The following DCT variants were observed in gnomAD, a reference collection of about 807,000 sequenced individuals.
DCT encodes dopachrome tautomerase, also known as L-dopachrome tautomerase.
In DCT, 47 loss-of-function variants were observed where a neutral mutation model predicts 53.0. The ratio of observed to expected loss-of-function variants is 0.89; its 90% CI spans 0.70 to 1.13. The LOEUF is 1.13. Ranked by LOEUF, DCT falls within the 50% of genes most tolerant of loss-of-function variation. DCT has a pLI of 0.00. For synonymous variants in DCT, 244 were observed against 237.0 expected, an observed-to-expected ratio of 1.03 and a Z score of -0.27; for missense variants, 669 against 637.4, an observed-to-expected ratio of 1.05 and a Z score of -0.53.
chr13:94,549,185 G>A, the DCT span, among the ~76,000 whole-genome samples: 1 of 152,262 alleles, frequency 6.6e-6, no homozygotes, highest in East Asian at 1.9e-4. Flanking sequence ...ACGCCAGGTG[G>A]GGGCCATCTG....
At chr13:94,446,297 T>C (rs1365723938) in intron 6 of DCT, among the ~76,000 whole-genome samples, 4 of 152,196 alleles carry the variant, frequency 2.6e-5, no homozygotes, top group African/African-American at 9.7e-5. Flanking sequence ...ACTATGACTA[T>C]ACCATCAGTA....
At chr13:94,504,955 A>C in the DCT span, among the ~76,000 whole-genome samples, 2 of 151,622 alleles carry the variant, frequency 1.3e-5, no homozygotes, top group African/African-American at 4.9e-5. Context: ...ATCTTCCTCT[A>C]GTCTCTTTGT....
intron 6 of DCT, among the ~76,000 whole-genome samples, chr13:94,453,893 C>T (rs754945625): frequency 6.6e-6 from 1 of 152,190 alleles, no homozygotes; most frequent in Non-Finnish European, 1.5e-5. Flanking sequence ...ACATCTTTAT[C>T]AGCAGCATGA....
intron 6 of DCT, among the ~76,000 whole-genome samples, chr13:94,448,458 A>T (rs1882867383): frequency 6.6e-6 from 1 of 152,250 alleles, no homozygotes; most frequent in Non-Finnish European, 1.5e-5. Flanking sequence ...AATTGTGGGC[A>T]TTATTCCTCA....
At chr13:94,484,396 A>G (rs923837552), upstream of DCT, among the ~76,000 whole-genome samples, 1 of 152,206 alleles carries the variant, frequency 6.6e-6, no homozygotes, top group Non-Finnish European at 1.5e-5. Flanking sequence ...TGTCATTTTC[A>G]TATAGCTTTC....
chr13:94,537,622 T>C, the DCT span, among the ~76,000 whole-genome samples: 1 of 151,528 alleles, frequency 6.6e-6, no homozygotes, highest in African/African-American at 2.4e-5. Context: ...TTCTACAAAT[T>C]ATGCAAGTGA....
chr13:94,529,449 C>T, the DCT span, among the ~76,000 whole-genome samples: 1 of 152,182 alleles, frequency 6.6e-6, no homozygotes, highest in Non-Finnish European at 1.5e-5. Context: ...TCTCTCACAC[C>T]ACAGGGCAAT....
At chr13:94,449,881 C>T (rs1007310088) in intron 6 of DCT, among the ~76,000 whole-genome samples, 17 of 152,138 alleles carry the variant, frequency 1.1e-4, no homozygotes, top group Non-Finnish European at 2.2e-4. Flanking sequence ...TAACTAAGCT[C>T]TGCCACAAGG....
the DCT span, among the ~76,000 whole-genome samples, chr13:94,548,871 G>A: frequency 6.6e-6 from 1 of 152,186 alleles, no homozygotes; most frequent in African/African-American, 2.4e-5. Context: ...GTCTAGACCC[G>A]TGGCTTGTTT....
At chr13:94,507,796 C>T in the DCT span, among the ~76,000 whole-genome samples, 48 of 152,210 alleles carry the variant, frequency 3.2e-4, no homozygotes, top group African/African-American at 8.9e-4. Flanking sequence ...CACCGCGCCC[C>T]GCCGTATATT....
At chr13:94,451,455 C>T (rs1360831991) in intron 6 of DCT, among the ~76,000 whole-genome samples, 1 of 152,170 alleles carries the variant, frequency 6.6e-6, no homozygotes, top group Non-Finnish European at 1.5e-5. Flanking sequence ...AGATTGAACA[C>T]GGGGAGATTT....
intron 6 of DCT, among the ~76,000 whole-genome samples, chr13:94,452,933 T>A (rs566579320): frequency 2.6e-4 from 39 of 152,180 alleles, no homozygotes; most frequent in African/African-American, 9.1e-4. Flanking sequence ...TAGAAAAAAA[T>A]TGTATTGTTT....
chr13:94,498,609 A>G, the DCT span, among the ~76,000 whole-genome samples: 5 of 152,228 alleles, frequency 3.3e-5, no homozygotes, highest in Non-Finnish European at 7.3e-5. Flanking sequence ...TGAGAAATCA[A>G]CACTTGTTGT....
chr13:94,548,301 T>A, the DCT span, among the ~76,000 whole-genome samples: 1 of 151,574 alleles, frequency 6.6e-6, no homozygotes, highest in Non-Finnish European at 1.5e-5. Flanking sequence ...TAGTGGGAGG[T>A]TAGGAATTAA....
chr13:94,546,797 A>G, the DCT span, among the ~76,000 whole-genome samples: 1 of 152,164 alleles, frequency 6.6e-6, no homozygotes, highest in African/African-American at 2.4e-5. The surrounding 1 kb of genome is among the most constrained non-coding windows in gnomAD (Gnocchi z 4.2). Flanking sequence ...AAGCTGAAGC[A>G]TGCGCACTAA....
intron 6 of DCT, among the ~76,000 whole-genome samples, chr13:94,457,659 G>C (rs1261902175): frequency 6.6e-6 from 1 of 152,048 alleles, no homozygotes; most frequent in Non-Finnish European, 1.5e-5. Flanking sequence ...CAAAATACTG[G>C]CAAAATAAAA....
At chr13:94,488,873 T>A in the DCT span, among the ~76,000 whole-genome samples, 2 of 118,172 alleles carry the variant, frequency 1.7e-5, no homozygotes, top group African/African-American at 6.1e-5. Context: ...TACACACACA[T>A]ACACACACAA....
the DCT span, among the ~76,000 whole-genome samples, chr13:94,525,559 T>C: frequency 1.8e-3 from 276 of 152,330 alleles, 1 homozygote; most frequent in African/African-American, 5.5e-3. Context: ...GCCTCCTTCA[T>C]TGCGGCCTAA....
At chr13:94,529,572 A>T in the DCT span, among the ~76,000 whole-genome samples, 3 of 152,238 alleles carry the variant, frequency 2.0e-5, no homozygotes, top group Admixed American at 1.3e-4. Flanking sequence ...GGCAAAAATA[A>T]AGATGTCCTT....
Sources: gnomAD v4.1 joint callset for allele counts (sites outside exome capture counted in the v4.1 genomes callset) on GRCh38, gnomAD v4.1.1 for gene constraint, Gnocchi (gnomAD v3.1) non-coding constraint, MANE v1.5 for transcripts, NCBI Gene and HGNC (gene_info 2026-07-23, HGNC 2026-07-21) for gene names.